FYN: variants seen among roughly 807,000 people sequenced by gnomAD.
The protein encoded by FYN is tyrosine-protein kinase Fyn.
A neutral mutation model predicts 70.2 loss-of-function variants in FYN; 10 were observed. That is an observed-to-expected ratio of 0.14 (90% confidence interval 0.09 to 0.24). The LOEUF (loss-of-function observed/expected upper bound fraction) is 0.24, where lower values mean the gene tolerates loss of function less well. FYN is among the 10% of genes least tolerant of loss of function. The pLI is 1.00. For synonymous variants in FYN, 236 were observed against 248.6 expected (o/e 0.95, Z 0.48); for missense variants, 319 against 673.1 (o/e 0.47, Z 5.82).
intron 12 of FYN, among the ~76,000 whole-genome samples, chr6:111,692,191 G>A (rs1031469325): frequency 6.6e-6 from 1 of 151,912 alleles, no homozygotes; most frequent in Non-Finnish European, 1.5e-5. Context: ...TTTGGGAAAG[G>A]GAGGAAAGAA....
intron 7 of FYN, 105 bp from the exon 8 acceptor site, chr6:111,703,139 C>T (rs1054923321): frequency 9.0e-6 from 8 of 890,138 alleles, no homozygotes; most frequent in East Asian, 2.5e-5. Context: ...AGGATGCACA[C>T]ACACATGTAC....
At chr6:111,756,505 T>C (rs1802743596) in intron 3 of FYN, among the ~76,000 whole-genome samples, 1 of 150,830 alleles carries the variant, frequency 6.6e-6, no homozygotes, top group African/African-American at 2.4e-5. Context: ...CAGAACCAAA[T>C]CCAAGATGGT....
At chr6:111,807,202 C>T (rs919724655) in intron 2 of FYN, among the ~76,000 whole-genome samples, 2 of 152,154 alleles carry the variant, frequency 1.3e-5, no homozygotes, top group Non-Finnish European at 2.9e-5. Flanking sequence ...TATTTAGTTA[C>T]ATTTCATATC....
chr6:111,783,138 T>C (rs144691689), intron 2 of FYN, among the ~76,000 whole-genome samples: 2,204 of 152,348 alleles, frequency 0.014, 19 homozygotes, highest in Middle Eastern at 0.024. Context: ...GTGTATCTTT[T>C]GTCAAGCACA....
intron 5 of FYN, among the ~76,000 whole-genome samples, chr6:111,711,647 C>T (rs1483301609): frequency 6.6e-6 from 1 of 152,218 alleles, no homozygotes; most frequent in Non-Finnish European, 1.5e-5. Context: ...GGAGGACACA[C>T]ACTAGGAGGT....
At position 111,661,707 on chromosome 6, in the gene FYN, TG is replaced by T; in HGVS notation, c.*31del. On this transcript the variant is annotated 3_prime_UTR_variant, in exon 14 of 14. Transcript: ENST00000354650. This position sits in a 1 kb window ranked among gnomAD's most constrained non-coding sequence, Gnocchi z 4.0. ...TAATGGGGAGGGGTGGGGCAGCCTC[TG>T]GGACAAGGCCTCTCTCCGCAGACCC... The T allele has an allele frequency of 6.3e-7, 1 of 1,593,996 alleles. No homozygotes were observed. The highest frequency in any genetic ancestry group is 8.6e-7 in the Non-Finnish European group (1 of 1,166,520).
At chr6:111,721,488 G>A (rs2282856) in intron 3 of FYN, among the ~76,000 whole-genome samples, 19,078 of 151,992 alleles carry the variant, frequency 0.13, 2,390 homozygotes, top group African/African-American at 0.31. Context: ...GGAGTGCAGT[G>A]GAGCGATCTT....
chr6:111,704,817 C>T (rs916900093), intron 6 of FYN, among the ~76,000 whole-genome samples: 2 of 152,066 alleles, frequency 1.3e-5, no homozygotes, highest in African/African-American at 2.4e-5. Flanking sequence ...AATCCTAGCA[C>T]TTTGGGAGGC....
At chr6:111,754,216 A>G (rs1802610439) in intron 3 of FYN, among the ~76,000 whole-genome samples, 4 of 152,154 alleles carry the variant, frequency 2.6e-5, no homozygotes, top group African/African-American at 9.7e-5. Context: ...GAACTCTTCT[A>G]CTGTCTGAAT....
chr6:111,675,787 C>T (rs1046147857), intron 12 of FYN, among the ~76,000 whole-genome samples: 5 of 149,374 alleles, frequency 3.3e-5, no homozygotes, highest in African/African-American at 5.0e-5. Flanking sequence ...AGCAAGAGTC[C>T]GTCTCAGAAA....
At chr6:111,677,759 T>C (rs893422026) in intron 12 of FYN, among the ~76,000 whole-genome samples, 1 of 152,214 alleles carries the variant, frequency 6.6e-6, no homozygotes. Context: ...TTCTAAGTAG[T>C]ATGGACTTAC....
chr6:111,796,165 A>C (rs1771797871), intron 2 of FYN, among the ~76,000 whole-genome samples: 1 of 152,178 alleles, frequency 6.6e-6, no homozygotes, highest in African/African-American at 2.4e-5. Context: ...CATTAGTCTG[A>C]CGTTTGAGCT....
chr6:111,870,805 A>T (rs1583508384), intron 1 of FYN, among the ~76,000 whole-genome samples: 1 of 152,162 alleles, frequency 6.6e-6, no homozygotes, highest in Non-Finnish European at 1.5e-5. Context: ...GAGAAAGCAG[A>T]GTGTGCATTT....
At chr6:111,813,177 A>G (rs1772380038) in intron 2 of FYN, among the ~76,000 whole-genome samples, 2 of 152,222 alleles carry the variant, frequency 1.3e-5, no homozygotes, top group East Asian at 1.9e-4. Context: ...TCAAAGTTAA[A>G]TAACTGATAT....
At position 111,694,504 on chromosome 6, in the gene FYN, C is replaced by T. The variant is rs755454152; in HGVS notation, c.1144G>A (p.Glu382Lys). 6.2e-7 allele frequency: 1 copy of T among 1,614,028 alleles called. No homozygotes were observed. Among genetic ancestry groups the T allele is most frequent in the Non-Finnish European group, 8.5e-7 (1 of 1,180,036 alleles). ...AQVAAGMAYI[E>K]RMNYIHRDLR... Reference sequence around the variant, plus strand: ...TCTCTATGGATATAATTCATGCGCTCGATGTAAGCCATTCCTGCAGCCACC... The same window carrying T: ...TCTCTATGGATATAATTCATGCGCTTGATGTAAGCCATTCCTGCAGCCACC... Residue 382 changes from glutamate (E) to lysine (K), a missense_variant, in exon 12 of 14, where the codon GAG becomes AAG. Physicochemically the swap from Glu to Lys is moderately conservative, Grantham distance 56. Transcript: ENST00000354650. The surrounding 1 kb of genome is among the most constrained non-coding windows in gnomAD (Gnocchi z 5.0).
At chr6:111,796,395 T>C (rs1279407291) in intron 2 of FYN, among the ~76,000 whole-genome samples, 2 of 152,332 alleles carry the variant, frequency 1.3e-5, no homozygotes, top group Non-Finnish European at 1.5e-5. Flanking sequence ...TTTAGTACAA[T>C]AACATGCTGT....
intron 3 of FYN, among the ~76,000 whole-genome samples, chr6:111,720,378 T>G (rs557115038): frequency 5.9e-5 from 9 of 152,208 alleles, no homozygotes; most frequent in Admixed American, 2.6e-4. Flanking sequence ...CTACAGACGG[T>G]CCAATCATAT....
intron 13 of FYN, among the ~76,000 whole-genome samples, chr6:111,668,586 A>G (rs1236023111): frequency 6.6e-6 from 1 of 151,570 alleles, no homozygotes; most frequent in Non-Finnish European, 1.5e-5. Context: ...AACAAGGAGC[A>G]CGTGAGGCTG....
intron 2 of FYN, among the ~76,000 whole-genome samples, chr6:111,780,859 G>A (rs540540080): frequency 2.6e-5 from 4 of 152,150 alleles, no homozygotes; most frequent in Non-Finnish European, 5.9e-5. Flanking sequence ...ACTGGACAAT[G>A]AAATATACCA....
Sources: gnomAD v4.1 joint callset for allele counts (sites outside exome capture counted in the v4.1 genomes callset) on GRCh38, gnomAD v4.1.1 for gene constraint, Gnocchi (gnomAD v3.1) non-coding constraint, MANE v1.5 for transcripts, NCBI Gene and HGNC (gene_info 2026-07-23, HGNC 2026-07-21) for gene names.